BTBD9: variants seen among roughly 807,000 people sequenced by gnomAD.
BTBD9 encodes the protein BTB/POZ domain-containing protein 9.
In BTBD9, 49 loss-of-function variants were observed where a neutral mutation model predicts 64.3. The observed-to-expected ratio is 0.76, with a 90% CI of 0.61 to 0.97. The LOEUF (loss-of-function observed/expected upper bound fraction) is 0.97. Ranked by LOEUF, BTBD9 falls within the 50% of genes least tolerant of loss-of-function variation. The pLI is 0.00. For missense variants in BTBD9, 598 were observed against 762.1 expected (o/e 0.78, Z 2.53); for synonymous variants, 260 against 274.7 (o/e 0.95, Z 0.53).
chr6:38,217,478 A>AT (rs1763048405), intron 9 of BTBD9, among the ~76,000 whole-genome samples: 2 of 152,200 alleles, frequency 1.3e-5, no homozygotes, highest in South Asian at 4.1e-4. Context: ...GACAGTGAGG[A>AT]TGAGGGACTG....
chr6:38,378,550 A>C (rs1765788570), intron 6 of BTBD9, among the ~76,000 whole-genome samples: 1 of 151,374 alleles, frequency 6.6e-6, no homozygotes, highest in African/African-American at 2.4e-5. Context: ...CGAAACACTT[A>C]AACTTAAATT....
chr6:38,446,792 A>G (rs1769297754), intron 6 of BTBD9, among the ~76,000 whole-genome samples: 1 of 152,216 alleles, frequency 6.6e-6, no homozygotes, highest in Non-Finnish European at 1.5e-5. Context: ...ACTTGAACCC[A>G]GTTTGTTGGA....
chr6:38,206,204 A>T (rs1197420732), intron 9 of BTBD9, among the ~76,000 whole-genome samples: 1 of 151,752 alleles, frequency 6.6e-6, no homozygotes. Context: ...AAGGATAGGT[A>T]TACAGAAAAC....
intron 9 of BTBD9, among the ~76,000 whole-genome samples, chr6:38,220,117 C>A (rs145337351): frequency 6.6e-6 from 1 of 152,282 alleles, no homozygotes; most frequent in East Asian, 1.9e-4. Flanking sequence ...GAGGTGGGTA[C>A]AGGGAACATG....
chr6:38,318,435 G>A (rs1370162833), intron 7 of BTBD9, among the ~76,000 whole-genome samples: 1 of 152,074 alleles, frequency 6.6e-6, no homozygotes, highest in Non-Finnish European at 1.5e-5. Context: ...AAGGGACTTG[G>A]GTGTTTGATC....
At chr6:38,556,544 TGTGTGTGAGAGA>T (rs754358530) in intron 6 of BTBD9, among the ~76,000 whole-genome samples, 2,387 of 63,106 alleles carry the variant, frequency 0.038, 26 homozygotes, top group African/African-American at 0.058. Context: ...TGTGTGTGTG[TGTGTGTGAGAGA>T]GAGAGAGAGA....
chr6:38,637,613 CTGAG>C (rs1212813519), intron 1 of BTBD9, among the ~76,000 whole-genome samples: 1 of 152,120 alleles, frequency 6.6e-6, no homozygotes, highest in Non-Finnish European at 1.5e-5. Flanking sequence ...AACTATGTCA[CTGAG>C]TGTGACTGGA....
At chr6:38,240,997 T>C (rs1249641330) in intron 9 of BTBD9, among the ~76,000 whole-genome samples, 1 of 152,070 alleles carries the variant, frequency 6.6e-6, no homozygotes, top group African/African-American at 2.4e-5. Context: ...TGATCTTAAT[T>C]AGGAAAAATG....
chr6:38,515,262 T>C (rs1056610728), intron 6 of BTBD9, among the ~76,000 whole-genome samples: 15 of 152,210 alleles, frequency 9.9e-5, no homozygotes, highest in African/African-American at 3.4e-4. Flanking sequence ...AGAGCGGATT[T>C]AATGAGAACA....
intron 4 of BTBD9, chr6:38,588,584 C>T (rs1297170464): frequency 3.0e-5 from 14 of 462,404 alleles, no homozygotes; most frequent in African/African-American, 2.4e-4. Flanking sequence ...TCCCAAAAGA[C>T]TCCAGTACTG....
intron 6 of BTBD9, among the ~76,000 whole-genome samples, chr6:38,377,466 A>T (rs1765738022): frequency 6.6e-6 from 1 of 152,226 alleles, no homozygotes; most frequent in Non-Finnish European, 1.5e-5. Context: ...AGGCCAAAGC[A>T]ATCTATTACC....
rs180849631 is a variant in BTBD9, at chr6:38,206,815, G to A, written c.1563-14218C>T. The stretch of plus-strand genomic sequence containing the variant: ...ATGTAATTAGGAAATAGCAGAATAA[G>A]CACATAGTTTAGAATATGAAGATAC... On this transcript the variant is annotated intron_variant, in intron 9 of 10. Coordinates refer to ENST00000481247, the MANE Select transcript of BTBD9 (RefSeq NM_001099272.2). 6.6e-5 allele frequency among the ~76,000 whole-genome samples: 10 copies of A among 152,036 alleles called. No homozygotes were observed. The East Asian group carries it at 1.9e-3, about 29-fold the overall frequency.
intron 6 of BTBD9, among the ~76,000 whole-genome samples, chr6:38,541,876 T>C (rs1262039573): frequency 6.6e-6 from 1 of 152,230 alleles, no homozygotes; most frequent in East Asian, 1.9e-4. Context: ...TCCATTTGTA[T>C]ATGAGTAGAA....
intron 6 of BTBD9, among the ~76,000 whole-genome samples, chr6:38,555,288 G>A (rs1363474651): frequency 6.6e-6 from 1 of 152,154 alleles, no homozygotes; most frequent in Non-Finnish European, 1.5e-5. Flanking sequence ...CAAAACTGGA[G>A]AGGGAAGACA....
intron 8 of BTBD9, among the ~76,000 whole-genome samples, chr6:38,267,120 C>T (rs1333890725): frequency 6.6e-6 from 1 of 152,232 alleles, no homozygotes; most frequent in Non-Finnish European, 1.5e-5. Flanking sequence ...AGGTCCTGCC[C>T]AGACGATAGG....
intron 6 of BTBD9, among the ~76,000 whole-genome samples, chr6:38,438,108 T>C (rs1768821002): frequency 6.6e-6 from 1 of 151,446 alleles, no homozygotes; most frequent in Non-Finnish European, 1.5e-5. Context: ...CTGAAAACAT[T>C]TGTAGAAAGG....
At chr6:38,246,760 C>T (rs1212765148) in intron 9 of BTBD9, among the ~76,000 whole-genome samples, 1 of 152,170 alleles carries the variant, frequency 6.6e-6, no homozygotes, top group Non-Finnish European at 1.5e-5. Flanking sequence ...TTGGTTCACG[C>T]TTCTAGAAGG....
intron 6 of BTBD9, among the ~76,000 whole-genome samples, chr6:38,456,271 A>G (rs1014827171): frequency 1.3e-5 from 2 of 152,208 alleles, no homozygotes; most frequent in Non-Finnish European, 2.9e-5. Flanking sequence ...TACATGACTG[A>G]GCCACTGTGC....
intron 6 of BTBD9, among the ~76,000 whole-genome samples, chr6:38,553,888 C>T (rs1774913284): frequency 6.6e-6 from 1 of 151,852 alleles, no homozygotes; most frequent in African/African-American, 2.4e-5. Context: ...GATTACTAAA[C>T]CATTGGGAAC....
Sources: allele counts gnomAD v4.1 joint callset (sites outside exome capture counted in the v4.1 genomes callset), GRCh38; gene constraint gnomAD v4.1.1; transcripts MANE v1.5; gene names NCBI Gene and HGNC (gene_info 2026-07-23, HGNC 2026-07-21).